CMC1: variants seen among roughly 807,000 people sequenced by gnomAD.
The protein encoded by CMC1 is COX assembly mitochondrial protein homolog.
In CMC1, 14 loss-of-function variants were observed where a neutral mutation model predicts 14.1. The observed-to-expected ratio is 0.99, with a 90% CI of 0.66 to 1.55. The LOEUF is 1.55. Ranked by LOEUF, CMC1 falls within the 40% of genes most tolerant of loss-of-function variation. The pLI is 0.00. For synonymous variants in CMC1, 50 were observed against 38.4 expected (o/e 1.30, Z -1.12); for missense variants, 127 against 123.8 (o/e 1.03, Z -0.12).
intron 1 of CMC1, among the ~76,000 whole-genome samples, chr3:28,256,497 T>C (rs1011858588): frequency 6.6e-6 from 1 of 152,170 alleles, no homozygotes; most frequent in Non-Finnish European, 1.5e-5. Context: ...GAATTAATGT[T>C]TGCGTGAATA....
intron 2 of CMC1, among the ~76,000 whole-genome samples, chr3:28,291,259 G>C (rs1701456081): frequency 6.6e-6 from 1 of 152,120 alleles, no homozygotes; most frequent in South Asian, 2.1e-4. Context: ...ACATGGACAT[G>C]AAGGACATGA....
In CMC1 at chr3:28,284,638, CTCAT is replaced by C. The variant is rs748300851; in HGVS notation, c.109+21260_109+21263del. On this transcript the variant is annotated intron_variant, in intron 2 of 3. Coordinates refer to ENST00000466830, the MANE Select transcript of CMC1 (RefSeq NM_182523.2). ...ATAGCAACAAACCATATAGATTTTG[CTCAT>C]TTGTGTATCTTAAAGTTACATAATT... Among the ~76,000 whole-genome samples the C allele has an allele frequency of 4.6e-5, 7 of 152,032 alleles. 1 individual carries two copies. The East Asian group carries it at 1.2e-3, about 25-fold the overall frequency.
intron 2 of CMC1, among the ~76,000 whole-genome samples, chr3:28,296,115 T>C (rs1701727187): frequency 6.6e-6 from 1 of 152,096 alleles, no homozygotes; most frequent in East Asian, 1.9e-4. Flanking sequence ...TCTGAATTAC[T>C]CTCTTCCCCC....
intron 1 of CMC1, among the ~76,000 whole-genome samples, chr3:28,258,874 CG>C (rs1699579505): frequency 6.6e-6 from 1 of 151,940 alleles, no homozygotes; most frequent in South Asian, 2.1e-4. Context: ...CCGCCCGCCT[CG>C]GCCTCCCAAA....
chr3:28,280,066 A>G (rs1173320400), intron 2 of CMC1, among the ~76,000 whole-genome samples: 4 of 152,240 alleles, frequency 2.6e-5, no homozygotes, highest in Non-Finnish European at 5.9e-5. Context: ...ACAATGGGCA[A>G]TAAAATGGAA....
intron 1 of CMC1, among the ~76,000 whole-genome samples, chr3:28,258,898 C>T (rs1214945659): frequency 1.3e-5 from 2 of 152,070 alleles, no homozygotes; most frequent in East Asian, 1.9e-4. Context: ...GCTGGGATTA[C>T]AGGCGTGAGC....
At chr3:28,261,035 G>A (rs1040808253) in intron 1 of CMC1, among the ~76,000 whole-genome samples, 1 of 152,140 alleles carries the variant, frequency 6.6e-6, no homozygotes, top group African/African-American at 2.4e-5. Context: ...ATGTTCTGCT[G>A]TTATTAGGTA....
intron 2 of CMC1, among the ~76,000 whole-genome samples, chr3:28,301,323 G>A (rs762193210): frequency 6.6e-5 from 10 of 152,018 alleles, no homozygotes; most frequent in South Asian, 2.1e-4. Flanking sequence ...GGGCTCAAGC[G>A]ATCCTCCCAC....
chr3:28,276,558 G>T (rs958490588), intron 2 of CMC1, among the ~76,000 whole-genome samples: 1 of 152,038 alleles, frequency 6.6e-6, no homozygotes, highest in Non-Finnish European at 1.5e-5. Context: ...ACTTTCATGA[G>T]AAATTAATCT....
At chr3:28,263,018 A>C (rs1699812210) in intron 1 of CMC1, 2 of 294,566 alleles carry the variant, frequency 6.8e-6, no homozygotes, top group Admixed American at 1.1e-4. Context: ...ACAAGATTGC[A>C]TGGAATATGT....
chr3:28,278,630 T>C (rs1319546615), intron 2 of CMC1, among the ~76,000 whole-genome samples: 2 of 152,226 alleles, frequency 1.3e-5, no homozygotes, highest in East Asian at 3.8e-4. Flanking sequence ...GATTTGTTAA[T>C]TCAACAAACT....
At chr3:28,291,777 G>A (rs1183311787) in intron 2 of CMC1, 1 of 152,048 alleles carries the variant, frequency 6.6e-6, no homozygotes, top group African/African-American at 2.4e-5. Flanking sequence ...CTTTCCTGAA[G>A]CCTGAGGGAG....
Position 28,324,810 on chromosome 3 carries a change from G to T in CMC1, c.*5181G>T. The T allele has an allele frequency of 6.0e-6, 1 of 167,318 alleles. No individual in the cohort carries two copies. Among genetic ancestry groups the T allele is most frequent in the Non-Finnish European group, 1.3e-5 (1 of 78,554 alleles). The allele number at this position is 167,318 out of a possible 1,614,324, so 10.4% of individuals were successfully genotyped here. A position where few individuals can be genotyped will look rare whatever the true frequency, so the allele number is the denominator to read the frequency against. On this transcript the variant is annotated 3_prime_UTR_variant, in exon 4 of 4. Transcript: ENST00000466830. ...CTAATACAGTTAAAATACAAATAAAGATCCTGTTCTTGGCTCTTATTGTGG... is the reference window on the plus strand; with the variant it reads ...CTAATACAGTTAAAATACAAATAAATATCCTGTTCTTGGCTCTTATTGTGG...
intron 2 of CMC1, among the ~76,000 whole-genome samples, chr3:28,289,488 C>T (rs1360864495): frequency 1.3e-5 from 2 of 151,820 alleles, no homozygotes; most frequent in African/African-American, 4.8e-5. Context: ...ATTTAGTTGC[C>T]ATTTAGGGTC....
intron 2 of CMC1, among the ~76,000 whole-genome samples, chr3:28,265,675 C>A (rs1699972835): frequency 6.6e-6 from 1 of 151,878 alleles, no homozygotes; most frequent in South Asian, 2.1e-4. Context: ...AGACTGCCAG[C>A]AACTTAGGTT....
chr3:28,299,395 T>A (rs1438827840), intron 2 of CMC1, among the ~76,000 whole-genome samples: 1 of 152,166 alleles, frequency 6.6e-6, no homozygotes. Context: ...GTATTAGATA[T>A]TCAGTGATGT....
At chr3:28,242,617 A>G (rs1272462567) in intron 1 of CMC1, among the ~76,000 whole-genome samples, 1 of 152,220 alleles carries the variant, frequency 6.6e-6, no homozygotes, top group African/African-American at 2.4e-5. Context: ...GTTTTAATTG[A>G]ACATGTTATT....
intron 2 of CMC1, among the ~76,000 whole-genome samples, chr3:28,276,716 A>G (rs556824190): frequency 4.0e-4 from 61 of 152,220 alleles, no homozygotes; most frequent in Non-Finnish European, 7.6e-4. Context: ...ACATTTTGCA[A>G]ATACCCACAG....
intron 2 of CMC1, among the ~76,000 whole-genome samples, chr3:28,293,651 G>A (rs141167969): frequency 1.3e-5 from 2 of 151,980 alleles, no homozygotes; most frequent in East Asian, 1.9e-4. Context: ...GTGTGCTCTC[G>A]GCTCACTGCA....
Sources: gnomAD v4.1 joint callset for allele counts (sites outside exome capture counted in the v4.1 genomes callset) on GRCh38, gnomAD v4.1.1 for gene constraint, MANE v1.5 for transcripts, NCBI Gene and HGNC (gene_info 2026-07-23, HGNC 2026-07-21) for gene names.